Variants in CDH18 observed in about 807,000 individuals in gnomAD.
CDH18 encodes cadherin-18.
A neutral mutation model predicts 67.9 loss-of-function variants in CDH18; 31 were observed. That is an observed-to-expected ratio of 0.46 (90% CI 0.34 to 0.62). The LOEUF (loss-of-function observed/expected upper bound fraction) is 0.62. Among genes scored for constraint, CDH18 ranks in the 20% least tolerant of loss-of-function variants. The pLI is 0.01. For missense variants in CDH18, 890 were observed against 975.5 expected (o/e 0.91, Z 1.17); for synonymous variants, 362 against 347.2 (o/e 1.04, Z -0.48).
At chr5:20,550,963 T>C (rs1327896595) in intron 1 of CDH18, among the ~76,000 whole-genome samples, 2 of 152,036 alleles carry the variant, frequency 1.3e-5, no homozygotes, top group Non-Finnish European at 2.9e-5. Context: ...AATTTCCTTT[T>C]AAACAGCCAG....
At chr5:20,410,419 A>C (rs1462572762) in intron 1 of CDH18, among the ~76,000 whole-genome samples, 1 of 151,866 alleles carries the variant, frequency 6.6e-6, no homozygotes, top group African/African-American at 2.4e-5. Flanking sequence ...TAAGCATTTG[A>C]CAATAATGAG....
At position 19,506,295 on chromosome 5, in the gene CDH18, G is replaced by A. The variant is rs185171381; in HGVS notation, c.1513-3186C>T. ...AATGGAAGAACATTCCATGCTCATG[G>A]GTAGGAAGAATCAATATTGTGAAAA... On this transcript the variant is annotated intron_variant, in intron 10 of 12. Transcript: ENST00000382275. Among the ~76,000 whole-genome samples the A allele has an allele frequency of 8.9e-3, 1,358 of 152,160 alleles. 18 individuals carry two copies. Among genetic ancestry groups the A allele is most frequent in the African/African-American group, 0.031 (1,274 of 41,514 alleles).
chr5:20,233,590 A>G (rs575897601), intron 2 of CDH18, among the ~76,000 whole-genome samples: 71 of 152,142 alleles, frequency 4.7e-4, no homozygotes, highest in African/African-American at 1.7e-3. Flanking sequence ...GTTTTTCAGT[A>G]CACACATATG....
chr5:20,372,554 T>C (rs927847631), intron 1 of CDH18, among the ~76,000 whole-genome samples: 2 of 152,136 alleles, frequency 1.3e-5, no homozygotes, highest in African/African-American at 4.8e-5. Context: ...GATTTGGAAA[T>C]CAAGTTTACT....
At chr5:20,168,404 CAT>C (rs1736457312) in intron 2 of CDH18, among the ~76,000 whole-genome samples, 1 of 151,730 alleles carries the variant, frequency 6.6e-6, no homozygotes, top group African/African-American at 2.4e-5. Flanking sequence ...AATGTATACT[CAT>C]AGATTAATAG....
intron 2 of CDH18, among the ~76,000 whole-genome samples, chr5:20,039,865 A>G (rs1740249249): frequency 6.6e-6 from 1 of 152,228 alleles, no homozygotes; most frequent in East Asian, 1.9e-4. Flanking sequence ...ATTAAACTAA[A>G]GAGCTTCTGC....
At chr5:20,528,494 G>A (rs62352726) in intron 1 of CDH18, among the ~76,000 whole-genome samples, 3,233 of 152,004 alleles carry the variant, frequency 0.021, 67 homozygotes, top group African/African-American at 0.044. Flanking sequence ...AATTGATCAC[G>A]TAATTGGAGG....
chr5:20,408,984 A>G (rs1746535155), intron 1 of CDH18, among the ~76,000 whole-genome samples: 2 of 151,908 alleles, frequency 1.3e-5, no homozygotes, highest in South Asian at 4.1e-4. Flanking sequence ...ACAAAGAAGG[A>G]CATTACATAA....
intron 3 of CDH18, among the ~76,000 whole-genome samples, chr5:19,765,813 G>T (rs1342854370): frequency 6.6e-6 from 1 of 152,042 alleles, no homozygotes; most frequent in Admixed American, 6.5e-5. Context: ...ATCCTGCAAA[G>T]TCTGCTGCTG....
chr5:20,480,922 T>C (rs1373533679), intron 1 of CDH18, among the ~76,000 whole-genome samples: 1 of 151,602 alleles, frequency 6.6e-6, no homozygotes, highest in Non-Finnish European at 1.5e-5. Flanking sequence ...TTCACAAAAA[T>C]TTGGATGTAA....
chr5:19,478,710 A>G (rs988093355), intron 12 of CDH18: 6 of 152,160 alleles, frequency 3.9e-5, no homozygotes, highest in African/African-American at 1.4e-4. Flanking sequence ...TCAGATCCCG[A>G]CTCAATGACT....
intron 1 of CDH18, among the ~76,000 whole-genome samples, chr5:20,353,628 T>G (rs1741383349): frequency 1.3e-5 from 2 of 152,174 alleles, no homozygotes; most frequent in Admixed American, 1.3e-4. Context: ...CAGTCAGAAG[T>G]GCTTCCTCAT....
rs190933838 is a variant in CDH18 at position 20,553,051 on chromosome 5, C to T, written c.-580+22411G>A. ...TACAGGAGTGAGCCACCATGCCTGG[C>T]TTATCTTAGGATTTTTCTAACATCA... On this transcript the variant is annotated intron_variant, in intron 1 of 14. Coordinates refer to the CDH18 transcript ENST00000507958. 6.6e-3 allele frequency among the ~76,000 whole-genome samples: 1,001 copies of T among 152,186 alleles called. 3 individuals are homozygous for T. Among genetic ancestry groups the T allele is most frequent in the Middle Eastern group, 0.01 (3 of 294 alleles).
At chr5:20,016,165 C>T (rs1026140171) in intron 2 of CDH18, among the ~76,000 whole-genome samples, 1 of 152,068 alleles carries the variant, frequency 6.6e-6, no homozygotes, top group African/African-American at 2.4e-5. Context: ...TTTGGGGGAA[C>T]ATGGATGGAG....
At chr5:20,431,514 A>G (rs1748744095) in intron 1 of CDH18, among the ~76,000 whole-genome samples, 1 of 149,602 alleles carries the variant, frequency 6.7e-6, no homozygotes. Flanking sequence ...AAAGAAGAAG[A>G]AAAGAAGAAT....
At chr5:19,914,211 A>G (rs576964319) in intron 2 of CDH18, among the ~76,000 whole-genome samples, 1 of 152,236 alleles carries the variant, frequency 6.6e-6, no homozygotes, top group East Asian at 1.9e-4. Flanking sequence ...TATATGCAGT[A>G]GGGTAAAAAT....
chr5:20,432,878 G>A (rs1246117709), intron 1 of CDH18, among the ~76,000 whole-genome samples: 1 of 149,582 alleles, frequency 6.7e-6, no homozygotes, highest in Non-Finnish European at 1.5e-5. Flanking sequence ...CATATTAAGT[G>A]TAAAAATTAA....
chr5:20,218,067 G>C (rs943158978), intron 2 of CDH18, among the ~76,000 whole-genome samples: 6 of 151,822 alleles, frequency 4.0e-5, no homozygotes, highest in Non-Finnish European at 8.8e-5. Flanking sequence ...TACGATAATA[G>C]CTGGAGATTT....
intron 3 of CDH18, among the ~76,000 whole-genome samples, chr5:19,817,376 T>G (rs1779403454): frequency 6.6e-6 from 1 of 151,990 alleles, no homozygotes. Context: ...AAATCTCTCC[T>G]ACAGATATAC....
Sources: allele counts gnomAD v4.1 joint callset (sites outside exome capture counted in the v4.1 genomes callset), GRCh38; gene constraint gnomAD v4.1.1; transcripts MANE v1.5; gene names NCBI Gene and HGNC (gene_info 2026-07-23, HGNC 2026-07-21).